Variants in ITPR1 observed in about 807,000 individuals in gnomAD.
ITPR1 encodes inositol 1,4,5-trisphosphate-gated calcium channel ITPR1.
ITPR1 carries 96 observed loss-of-function variants against 318.4 expected under a neutral mutation model. The observed-to-expected ratio is 0.30, with a 90% CI of 0.26 to 0.36. The LOEUF (loss-of-function observed/expected upper bound fraction) is 0.36, where lower values mean the gene tolerates loss of function less well. Among genes scored for constraint, ITPR1 ranks in the 10% least tolerant of loss-of-function variants. The pLI is 1.00. For missense variants in ITPR1, 2,440 were observed against 3,460.2 expected (o/e 0.71, Z 7.40); for synonymous variants, 1,312 against 1,289.9 (o/e 1.02, Z -0.37).
chr3:4,544,648 T>C lies in ITPR1; in HGVS notation c.163+23554T>C, dbSNP rs149646414. Among the ~76,000 whole-genome samples the C allele has an allele frequency of 1.7e-3, 262 of 152,366 alleles. 2 individuals carry two copies. The highest frequency in any genetic ancestry group is 6.0e-3 in the African/African-American group (249 of 41,584). ...ACATGACCAAGTTTGGGAGGGATCC[T>C]CTCAGTCGTTTTGGACTGACATTGC... On this transcript the variant is annotated intron_variant, in intron 4 of 61. Coordinates refer to ENST00000649015, the MANE Select transcript of ITPR1 (RefSeq NM_001378452.1).
chr3:4,672,496 G>A (rs1206222669), intron 20 of ITPR1, among the ~76,000 whole-genome samples: 1 of 152,190 alleles, frequency 6.6e-6, no homozygotes, highest in Non-Finnish European at 1.5e-5. Flanking sequence ...CACATTTCAA[G>A]TATGTTTACT....
At position 4,670,505 on chromosome 3, in the gene ITPR1, G is replaced by C. The variant is rs151125701; in HGVS notation, c.2007-224G>C. On this transcript the variant is annotated intron_variant, in intron 19 of 61. Transcript: ENST00000649015. ...TTTCGGTTGTGACAACCAAAAACCT[G>C]TCCAGAGACATTGCCTGGTGTCCAC... Among the ~76,000 whole-genome samples the C allele has an allele frequency of 5.3e-5, 8 of 152,272 alleles. No individual in the cohort carries two copies. The East Asian group carries it at 9.6e-4, about 18-fold the overall frequency.
chr3:4,611,643 G>T (rs1445973813), intron 4 of ITPR1, among the ~76,000 whole-genome samples: 1 of 151,946 alleles, frequency 6.6e-6, no homozygotes, highest in African/African-American at 2.4e-5. Context: ...TACTCGGGAG[G>T]CTGAGGTGAG....
At chr3:4,838,840 A>C (rs1162098426) in intron 61 of ITPR1, among the ~76,000 whole-genome samples, 1 of 152,114 alleles carries the variant, frequency 6.6e-6, no homozygotes, top group Non-Finnish European at 1.5e-5. Context: ...ATGTATCTGA[A>C]ACAAACTATT....
At chr3:4,501,031 A>G (rs1233397396) in intron 2 of ITPR1, among the ~76,000 whole-genome samples, 1 of 94,180 alleles carries the variant, frequency 1.1e-5, no homozygotes, top group East Asian at 4.7e-4. Flanking sequence ...TTTAAAAAAA[A>G]AATTTTTTTT....
At chr3:4,647,389 C>T (rs954193970) in intron 10 of ITPR1, among the ~76,000 whole-genome samples, 8 of 152,254 alleles carry the variant, frequency 5.3e-5, no homozygotes, top group African/African-American at 1.9e-4. Flanking sequence ...ATGGATGTAA[C>T]TTTTCTTCAT....
intron 5 of ITPR1, among the ~76,000 whole-genome samples, chr3:4,634,905 A>T (rs2093134322): frequency 1.3e-5 from 2 of 152,022 alleles, no homozygotes; most frequent in African/African-American, 2.4e-5. Context: ...CACCTGGCTA[A>T]TTTTTGGGGG....
At chr3:4,778,768 G>A (rs2046636634) in intron 48 of ITPR1, among the ~76,000 whole-genome samples, 1 of 152,136 alleles carries the variant, frequency 6.6e-6, no homozygotes, top group Non-Finnish European at 1.5e-5. Context: ...CCCTGCGATA[G>A]CATGATACCC....
chr3:4,609,517 G>A (rs1196555058), intron 4 of ITPR1, among the ~76,000 whole-genome samples: 1 of 152,090 alleles, frequency 6.6e-6, no homozygotes, highest in Non-Finnish European at 1.5e-5. Context: ...TTCATTAGGG[G>A]TACGTTGAAT....
chr3:4,721,096 G>C (rs919897084), intron 40 of ITPR1, among the ~76,000 whole-genome samples: 4 of 149,088 alleles, frequency 2.7e-5, no homozygotes, highest in African/African-American at 1.0e-4. Context: ...CTATTGCAAA[G>C]TCAGTGGAGG....
chr3:4,510,431 C>A (rs1489168014), intron 2 of ITPR1, among the ~76,000 whole-genome samples: 1 of 152,034 alleles, frequency 6.6e-6, no homozygotes, highest in Non-Finnish European at 1.5e-5. Context: ...GTAGGAAGGC[C>A]TTAGGGAGTC....
At chr3:4,613,252 T>G (rs2092238776) in intron 4 of ITPR1, among the ~76,000 whole-genome samples, 1 of 152,190 alleles carries the variant, frequency 6.6e-6, no homozygotes, top group Non-Finnish European at 1.5e-5. Context: ...ATATACAATT[T>G]AGTCTGGCTC....
chr3:4,719,633 GC>G lies in ITPR1; in HGVS notation c.5136+2235del, dbSNP rs373893877. ...TGGCCCACTGAGGAAGGGACGCCAT[GC>G]TTTGATCATAAAGGCCACTTGATGT... is the stretch of plus-strand genomic sequence containing the variant. On this transcript the variant is annotated intron_variant, in intron 40 of 61. Transcript: ENST00000649015. Among the ~76,000 whole-genome samples the G allele has an allele frequency of 2.9e-3, 449 of 152,332 alleles. 4 individuals carry two copies. Among genetic ancestry groups the G allele is most frequent in the African/African-American group, 0.01 (423 of 41,566 alleles).
At chr3:4,774,609 G>C (rs2046375267) in intron 46 of ITPR1, among the ~76,000 whole-genome samples, 1 of 152,190 alleles carries the variant, frequency 6.6e-6, no homozygotes. Context: ...GAAGTGTCTT[G>C]CTCCTATCTG....
intron 13 of ITPR1, among the ~76,000 whole-genome samples, chr3:4,660,718 T>C (rs1003441616): frequency 6.6e-6 from 1 of 152,208 alleles, no homozygotes; most frequent in African/African-American, 2.4e-5. Context: ...GCTCTGTTTA[T>C]GCTGAGACAC....
chr3:4,757,909 G>T (rs1173299579), intron 44 of ITPR1, among the ~76,000 whole-genome samples: 1 of 152,176 alleles, frequency 6.6e-6, no homozygotes, highest in Non-Finnish European at 1.5e-5. Flanking sequence ...GTCACCCACA[G>T]AGTATCTGTT....
At chr3:4,764,758 G>A (rs1257319540) in intron 44 of ITPR1, among the ~76,000 whole-genome samples, 1 of 152,170 alleles carries the variant, frequency 6.6e-6, no homozygotes, top group Non-Finnish European at 1.5e-5. Context: ...GCAGCCTCCT[G>A]GGTCACTTTT....
intron 4 of ITPR1, among the ~76,000 whole-genome samples, chr3:4,597,525 G>A: frequency 6.6e-6 from 1 of 152,106 alleles, no homozygotes; most frequent in East Asian, 1.9e-4. Context: ...AAAGGGTGTT[G>A]GAATTTCCCA....
intron 10 of ITPR1, 62 bp downstream of exon 10, chr3:4,645,790 T>TCA: frequency 6.8e-7 from 1 of 1,461,128 alleles, no homozygotes. Context: ...ATATAGGCTC[T>TCA]CTCTCTCTCT....
Sources: gnomAD v4.1 joint callset for allele counts (sites outside exome capture counted in the v4.1 genomes callset) on GRCh38, gnomAD v4.1.1 for gene constraint, MANE v1.5 for transcripts, NCBI Gene and HGNC (gene_info 2026-07-23, HGNC 2026-07-21) for gene names.